Variants in PDLIM5 observed in about 807,000 individuals in gnomAD.
PDLIM5 encodes the protein PDZ and LIM domain 5, also known as PDZ and LIM domain protein 5.
Under a neutral mutation model 64.2 loss-of-function variants are expected in PDLIM5, and 34 were observed. The observed-to-expected ratio is 0.53, with a 90% CI of 0.40 to 0.71. The LOEUF (loss-of-function observed/expected upper bound fraction) is 0.71, where lower values mean the gene tolerates loss of function less well. PDLIM5 is among the 30% of genes least tolerant of loss of function. The pLI is 0.00. For missense variants in PDLIM5, 683 were observed against 733.6 expected (o/e 0.93, Z 0.80); for synonymous variants, 253 against 269.1 (o/e 0.94, Z 0.59).
At chr4:94,649,007 A>G (rs2045349359) in intron 9 of PDLIM5, among the ~76,000 whole-genome samples, 2 of 150,854 alleles carry the variant, frequency 1.3e-5, no homozygotes, top group Admixed American at 1.3e-4. Context: ...ACAGAGTCTC[A>G]CTCTGTTGCT....
intron 5 of PDLIM5, chr4:94,582,689 T>C: frequency 6.5e-7 from 1 of 1,546,026 alleles, no homozygotes. Context: ...TATCGCATCT[T>C]TTTTTGTGTG....
chr4:94,593,574 CTCT>C (rs1167174535), intron 7 of PDLIM5, among the ~76,000 whole-genome samples: 3 of 152,058 alleles, frequency 2.0e-5, no homozygotes, highest in Non-Finnish European at 4.4e-5. Flanking sequence ...GCTCTGGGGT[CTCT>C]TCTTCTCATG....
At chr4:94,478,119 G>A (rs1725493556) in intron 2 of PDLIM5, among the ~76,000 whole-genome samples, 1 of 151,892 alleles carries the variant, frequency 6.6e-6, no homozygotes, top group Non-Finnish European at 1.5e-5. Flanking sequence ...ACCCGGGCAT[G>A]GTGGCTGGCA....
Position 94,585,592 on chromosome 4 carries a change from C to T in PDLIM5, c.738C>T (p.Arg246=), listed in dbSNP as rs1723006637. Residue 246 remains arginine, a synonymous_variant, in exon 6 of 13, where the codon CGC becomes CGT. Coordinates refer to ENST00000317968, the MANE Select transcript of PDLIM5 (RefSeq NM_006457.5). ...CACCAAGAAAACACATTGTGGAGCGCTATACAGAGTTTTATCATGTACCCA... is the reference window on the plus strand; with the variant it reads ...CACCAAGAAAACACATTGTGGAGCGTTATACAGAGTTTTATCATGTACCCA... ...NGPPRKHIVE[R]YTEFYHVPTH... 1.2e-6 allele frequency: 2 copies of T among 1,612,312 alleles called. No individual in the cohort carries two copies. Among genetic ancestry groups the T allele is most frequent in the Non-Finnish European group, 1.7e-6 (2 of 1,179,444 alleles).
intron 2 of PDLIM5, among the ~76,000 whole-genome samples, chr4:94,490,126 T>C (rs1277785336): frequency 4.6e-5 from 7 of 151,868 alleles, no homozygotes; most frequent in Non-Finnish European, 1.0e-4. Flanking sequence ...AAATATGAAC[T>C]GTGGGGGGTA....
chr4:94,488,764 T>A (rs1389189338), intron 2 of PDLIM5, among the ~76,000 whole-genome samples: 1 of 152,192 alleles, frequency 6.6e-6, no homozygotes. Context: ...CCTGAAGGTG[T>A]TTTTGAGGGT....
At chr4:94,517,137 A>T (rs925822087) in intron 2 of PDLIM5, among the ~76,000 whole-genome samples, 8 of 152,092 alleles carry the variant, frequency 5.3e-5, no homozygotes, top group African/African-American at 1.7e-4. Context: ...GCTCGTAAAA[A>T]CTTCACCGGG....
At chr4:94,570,427 G>C (rs1201967850) in intron 3 of PDLIM5, among the ~76,000 whole-genome samples, 1 of 152,192 alleles carries the variant, frequency 6.6e-6, no homozygotes, top group Non-Finnish European at 1.5e-5. Context: ...GTGAGTGAGT[G>C]CATGTGTATG....
chr4:94,608,154 C>G (rs1738077644), intron 7 of PDLIM5: 1 of 1,530,844 alleles, frequency 6.5e-7, no homozygotes, highest in Non-Finnish European at 8.8e-7. Flanking sequence ...GCCACACTTT[C>G]TAAAGTAGCA....
At chr4:94,491,654 C>T (rs1340641275) in intron 2 of PDLIM5, among the ~76,000 whole-genome samples, 1 of 151,954 alleles carries the variant, frequency 6.6e-6, no homozygotes, top group Non-Finnish European at 1.5e-5. Flanking sequence ...ACCTCTGACT[C>T]ATGGAAGTTA....
At chr4:94,524,368 CAAAAAAA>C (rs34215993) in intron 3 of PDLIM5, among the ~76,000 whole-genome samples, 11 of 77,216 alleles carry the variant, frequency 1.4e-4, no homozygotes, top group Admixed American at 1.8e-4. Context: ...GACCCTGTCT[CAAAAAAA>C]AAAAAAAAAA....
intron 2 of PDLIM5, among the ~76,000 whole-genome samples, chr4:94,473,423 G>A (rs1214515079): frequency 6.6e-6 from 1 of 152,044 alleles, no homozygotes. Flanking sequence ...CACCATGCCA[G>A]GCTAACTTTT....
chr4:94,629,333 C>T (rs1442051576), intron 8 of PDLIM5, among the ~76,000 whole-genome samples: 1 of 140,924 alleles, frequency 7.1e-6, no homozygotes, highest in East Asian at 2.0e-4. Flanking sequence ...GACTCAGTTT[C>T]AAAAAAAAAA....
intron 7 of PDLIM5, among the ~76,000 whole-genome samples, chr4:94,589,979 G>T (rs112804356): frequency 0.041 from 6,301 of 152,062 alleles, 445 homozygotes; most frequent in African/African-American, 0.14. Flanking sequence ...GTTTCACCAT[G>T]TTGGCCAGGC....
intron 3 of PDLIM5, among the ~76,000 whole-genome samples, chr4:94,537,769 G>T (rs1439819114): frequency 6.6e-6 from 1 of 152,174 alleles, no homozygotes; most frequent in African/African-American, 2.4e-5. Context: ...AGTTAAGTAA[G>T]TACTTCAGAG....
intron 4 of PDLIM5, among the ~76,000 whole-genome samples, chr4:94,574,837 T>G (rs1057195566): frequency 6.6e-6 from 1 of 152,104 alleles, no homozygotes; most frequent in Admixed American, 6.5e-5. Flanking sequence ...TGGGGAAATA[T>G]TGAAGATTTT....
At chr4:94,465,946 GTGTC>G (rs1724323973) in intron 2 of PDLIM5, among the ~76,000 whole-genome samples, 2 of 151,928 alleles carry the variant, frequency 1.3e-5, no homozygotes, top group South Asian at 4.2e-4. Flanking sequence ...ATGTGTGTGT[GTGTC>G]TGTTTCTTTT....
chr4:94,549,717 A>G (rs1236633406), intron 3 of PDLIM5: 1 of 152,142 alleles, frequency 6.6e-6, no homozygotes, highest in African/African-American at 2.4e-5. Flanking sequence ...TTAGAGGGCA[A>G]TTTGGATAAA....
intron 5 of PDLIM5, among the ~76,000 whole-genome samples, chr4:94,583,787 A>G (rs1021790352): frequency 6.6e-6 from 1 of 152,176 alleles, no homozygotes; most frequent in Non-Finnish European, 1.5e-5. Context: ...TAGAACATGT[A>G]TTACAGTTGA....
Sources: allele counts gnomAD v4.1 joint callset (sites outside exome capture counted in the v4.1 genomes callset), GRCh38; gene constraint gnomAD v4.1.1; transcripts MANE v1.5; gene names NCBI Gene and HGNC (gene_info 2026-07-23, HGNC 2026-07-21).